Variants in SLC5A10 observed in about 807,000 individuals in gnomAD.
The protein encoded by SLC5A10 is sodium/mannose cotransporter SLC5A10.
A neutral mutation model predicts 68.9 loss-of-function variants in SLC5A10; 55 were observed. That is an observed-to-expected ratio of 0.80 (90% CI 0.64 to 1.00). The LOEUF (loss-of-function observed/expected upper bound fraction) is 1.00, where lower values mean the gene tolerates loss of function less well. SLC5A10 is among the 50% of genes least tolerant of loss of function. SLC5A10 has a pLI of 0.00. For missense variants in SLC5A10, 732 were observed against 819.3 expected, an observed-to-expected ratio of 0.89 and a Z score of 1.30; for synonymous variants, 344 against 344.8, an observed-to-expected ratio of 1.00 and a Z score of 0.02.
intron 9 of SLC5A10, 58 bp from the exon 10 acceptor site, chr17:19,013,352 C>A: frequency 6.3e-7 from 1 of 1,595,072 alleles, no homozygotes; most frequent in Non-Finnish European, 8.5e-7. Flanking sequence ...CCCTATCTTG[C>A]CCACCCCAGG....
Position 19,004,162 on chromosome 17 carries a change from T to G in SLC5A10, c.983-9248T>G, listed in dbSNP as rs1194847648. 36 of 936,614 alleles carry G rather than the reference T, an allele frequency of 3.8e-5. No individual in the cohort carries two copies. Among genetic ancestry groups the G allele is most frequent in the Non-Finnish European group, 5.0e-5 (33 of 655,744 alleles). 58.0% of individuals were successfully genotyped at this position (936,614 alleles called of 1,614,324 possible). A position where few individuals can be genotyped will look rare whatever the true frequency, so the allele number is the denominator to read the frequency against. ...TCCGCGGCCTCTGCTTCTCTGCCCATGAGCAATCTGCGGGAAAGACCTGAT... is the reference window on the plus strand; with the variant it reads ...TCCGCGGCCTCTGCTTCTCTGCCCAGGAGCAATCTGCGGGAAAGACCTGAT... On this transcript the variant is annotated intron_variant, in intron 9 of 14. Transcript: ENST00000395645. The surrounding 1 kb of genome is among the most constrained non-coding windows in gnomAD (Gnocchi z 5.4).
chr17:18,956,465 G>GTTTTTTTTTTTTTTTTTTTTTCT (rs2042504202), intron 1 of SLC5A10, among the ~76,000 whole-genome samples: 4 of 98,012 alleles, frequency 4.1e-5, no homozygotes, highest in Admixed American at 1.3e-4. Flanking sequence ...TTTTCTTTCT[G>GTTTTTTTTTTTTTTTTTTTTTCT]TTTTTTTTTT....
chr17:19,001,800 C>T (rs1299302443), intron 9 of SLC5A10, among the ~76,000 whole-genome samples: 13 of 152,288 alleles, frequency 8.5e-5, no homozygotes, highest in Admixed American at 5.2e-4. Flanking sequence ...CATCGCTGGG[C>T]GGGGGATCTG....
chr17:18,969,350 G>A lies in SLC5A10; in HGVS notation c.568G>A (p.Ala190Thr). ...TALYTIAGGL[A>T]AVIYTDALQT... is the part of the protein sequence containing the mutation. The stretch of plus-strand genomic sequence containing the variant: ...CTTGCTTCCACTGGCAGGGGGCCTG[G>A]CTGCTGTAATCTACACGGACGCCCT... Residue 190 changes from alanine (A) to threonine (T), a missense_variant, in exon 7 of 15, where the codon GCT becomes ACT. Physicochemically the swap from Ala to Thr is moderately conservative, Grantham distance 58 (BLOSUM62 0). Coordinates refer to ENST00000395645, the MANE Select transcript of SLC5A10 (RefSeq NM_001042450.4). The A allele has an allele frequency of 6.2e-7, 1 of 1,613,382 alleles. No individual in the cohort carries two copies. The highest frequency in any genetic ancestry group is 8.5e-7 in the Non-Finnish European group (1 of 1,179,974).
intron 5 of SLC5A10, among the ~76,000 whole-genome samples, chr17:18,962,940 C>T (rs888651018): frequency 6.6e-6 from 1 of 152,110 alleles, no homozygotes; most frequent in Non-Finnish European, 1.5e-5. Context: ...CAGAGGGGGC[C>T]GGCGTGGTGG....
rs1331791684 is a variant in SLC5A10, at chr17:19,003,962, TAGA to T, written c.983-9443_983-9441del. On this transcript the variant is annotated intron_variant, in intron 9 of 14. Coordinates refer to ENST00000395645, the MANE Select transcript of SLC5A10 (RefSeq NM_001042450.4). This position sits in a 1 kb window ranked among gnomAD's most constrained non-coding sequence, Gnocchi z 4.5. ...CAGCGCCAGCCGCTGCTCCTCGCTG[TAGA>T]AGAACTCAGGCTTGGACTCGCTGGA... 3.1e-6 allele frequency: 5 copies of T among 1,612,878 alleles called. No individual in the cohort carries two copies. Among genetic ancestry groups the T allele is most frequent in the Non-Finnish European group, 4.2e-6 (5 of 1,179,920 alleles).
At chr17:18,977,683 T>C in intron 9 of SLC5A10, 1 of 1,610,454 alleles carries the variant, frequency 6.2e-7, no homozygotes, top group Non-Finnish European at 8.5e-7. Context: ...CACCCTGGGG[T>C]CCAACAAAGG....
intron 9 of SLC5A10, chr17:18,979,752 A>G (rs1396496241): frequency 9.2e-6 from 14 of 1,521,888 alleles, no homozygotes; most frequent in Non-Finnish European, 1.3e-5. Flanking sequence ...GCAGCTGCCC[A>G]GGGCTCAGAG....
chr17:18,981,345 C>A (rs1023169530), intron 9 of SLC5A10, among the ~76,000 whole-genome samples: 5 of 152,090 alleles, frequency 3.3e-5, no homozygotes, highest in Non-Finnish European at 7.4e-5. Flanking sequence ...ATGGAGCCTG[C>A]AGAGCGAGCA....
At chr17:18,969,519 G>A in intron 7 of SLC5A10, 97 bp downstream of exon 7, 1 of 1,204,532 alleles carries the variant, frequency 8.3e-7, no homozygotes, top group Non-Finnish European at 1.2e-6. Flanking sequence ...ATGCCGTTGG[G>A]GTTCTGGGTA....
rs536465559 is a variant in SLC5A10 at position 18,960,652 on chromosome 17, G to A, written c.453G>A (p.Ser151=). The change falls in exon 5 of 15, where the codon TCG becomes TCA. Residue 151 remains serine (S), a splice_region_variant and synonymous_variant. Transcript: ENST00000395645. ...SLLLSVFTKI[S]LDLYAGALFV... ...TACTGTCTGTCTTCACCAAGATATC[G>A]GTGAGCTGCCCCCGGCTCCCTGCTG... 25 of 1,613,928 alleles carry A rather than the reference G, an allele frequency of 1.5e-5. No individual in the cohort carries two copies. The highest frequency in any genetic ancestry group is 4.5e-5 in the East Asian group (2 of 44,886).
chr17:19,017,416 C>A lies in SLC5A10; in HGVS notation c.1242-2007C>A, dbSNP rs1567815979. On this transcript the variant is annotated intron_variant, in intron 11 of 14. Coordinates refer to ENST00000395645, the MANE Select transcript of SLC5A10 (RefSeq NM_001042450.4). The surrounding 1 kb of genome is among the most constrained non-coding windows in gnomAD (Gnocchi z 5.6). Reference sequence around the variant, plus strand: ...TCTGGTAGGGTGAATGGCCTGACAACAGTCTCTGTCAGGGAGAGGCGAGGC... The same window carrying A: ...TCTGGTAGGGTGAATGGCCTGACAAAAGTCTCTGTCAGGGAGAGGCGAGGC... 12 of 1,540,870 alleles carry A rather than the reference C, an allele frequency of 7.8e-6. No homozygotes were observed. Among genetic ancestry groups the A allele is most frequent in the African/African-American group, 1.4e-5 (1 of 72,830 alleles).
At chr17:18,959,562 G>A (rs1288027577) in intron 3 of SLC5A10, 42 bp from the exon 4 acceptor site, 1 of 1,600,048 alleles carries the variant, frequency 6.2e-7, no homozygotes. Flanking sequence ...GCAGAGCTGT[G>A]GGAGCTGCAC....
chr17:18,970,210 G>C (rs2042806701), intron 7 of SLC5A10: 1 of 152,322 alleles, frequency 6.6e-6, no homozygotes, highest in South Asian at 2.1e-4. Flanking sequence ...ACTTGGAAAA[G>C]GCTAGGGAGT....
At chr17:19,020,122 A>G in intron 13 of SLC5A10, 33 bp from the exon 14 acceptor site, 37 of 223,176 alleles carry the variant, frequency 1.7e-4, no homozygotes, top group Non-Finnish European at 2.8e-4. Context: ...GCCATCCCCC[A>G]CCCCCAACCC....
At chr17:18,995,152 A>G (rs906660487) in intron 9 of SLC5A10, among the ~76,000 whole-genome samples, 1 of 152,332 alleles carries the variant, frequency 6.6e-6, no homozygotes, top group East Asian at 1.9e-4. Context: ...ACAAGAAAAC[A>G]TGATGCACAT....
intron 4 of SLC5A10, among the ~76,000 whole-genome samples, chr17:18,960,292 G>A (rs971368179): frequency 1.3e-5 from 2 of 152,044 alleles, no homozygotes; most frequent in African/African-American, 2.4e-5. Context: ...TCCATTCCTC[G>A]TCTCAGCCCT....
At chr17:18,958,321 A>G (rs546894756) in intron 1 of SLC5A10, among the ~76,000 whole-genome samples, 26 of 152,230 alleles carry the variant, frequency 1.7e-4, no homozygotes, top group Admixed American at 4.6e-4. Flanking sequence ...CCGCCTCCCA[A>G]TGTGCTGGGA....
At chr17:18,964,897 A>C (rs1288047981) in intron 5 of SLC5A10, among the ~76,000 whole-genome samples, 1 of 152,002 alleles carries the variant, frequency 6.6e-6, no homozygotes. Context: ...AATCCCAGCA[A>C]TTTGGGAGGC....
Sources: allele counts gnomAD v4.1 joint callset (sites outside exome capture counted in the v4.1 genomes callset), GRCh38; gene constraint gnomAD v4.1.1; non-coding constraint Gnocchi (gnomAD v3.1); transcripts MANE v1.5; gene names NCBI Gene and HGNC (gene_info 2026-07-23, HGNC 2026-07-21).